The following RAB11FIP4 variants were observed in gnomAD, a reference collection of about 807,000 sequenced individuals.
RAB11FIP4 encodes rab11 family-interacting protein 4.
RAB11FIP4 carries 23 observed loss-of-function variants against 74.3 expected under a neutral mutation model. The ratio of observed to expected loss-of-function variants is 0.31; its 90% CI spans 0.22 to 0.44. The LOEUF is 0.44. Ranked by LOEUF, RAB11FIP4 falls within the 20% of genes least tolerant of loss-of-function variation. The pLI, the probability that RAB11FIP4 is intolerant of heterozygous loss-of-function variation, is 1.00. For missense variants in RAB11FIP4, 630 were observed against 863.9 expected, an observed-to-expected ratio of 0.73 and a Z score of 3.39; for synonymous variants, 360 against 359.9, an observed-to-expected ratio of 1.00 and a Z score of 0.00.
At chr17:31,449,500 A>G (rs1047383903) in intron 3 of RAB11FIP4, among the ~76,000 whole-genome samples, 2 of 151,952 alleles carry the variant, frequency 1.3e-5, no homozygotes, top group Non-Finnish European at 1.5e-5. Flanking sequence ...ACTCCCAATG[A>G]TGTCTTGGCC....
intron 3 of RAB11FIP4, among the ~76,000 whole-genome samples, chr17:31,452,422 G>A (rs1234523497): frequency 6.6e-6 from 1 of 152,138 alleles, no homozygotes; most frequent in East Asian, 1.9e-4. Context: ...TTAGAAAGGG[G>A]GTGCCTGGAT....
Position 31,531,687 on chromosome 17 carries a change from C to G in RAB11FIP4, c.1869C>G (p.Leu623=). 1 of 1,614,070 alleles carries G rather than the reference C, an allele frequency of 6.2e-7. No individual in the cohort carries two copies. Among genetic ancestry groups the G allele is most frequent in the East Asian group, 2.2e-5 (1 of 44,882 alleles). ...RLRQYMDKII[L]AILDHNPSIL... is the part of the protein sequence containing the mutation. Reference sequence around the variant, plus strand: ...GGCAGTACATGGACAAGATTATCCTCGCCATCCTGGACCACAATCCCTCCA... The same window carrying G: ...GGCAGTACATGGACAAGATTATCCTGGCCATCCTGGACCACAATCCCTCCA... The change falls in exon 15 of 15, where the codon CTC becomes CTG. Residue 623 remains leucine, a synonymous_variant. Coordinates refer to ENST00000621161, the MANE Select transcript of RAB11FIP4 (RefSeq NM_032932.6).
chr17:31,460,467 T>C (rs569984080), intron 3 of RAB11FIP4, among the ~76,000 whole-genome samples: 6 of 152,324 alleles, frequency 3.9e-5, no homozygotes, highest in African/African-American at 1.4e-4. Flanking sequence ...AATGTACTCC[T>C]CAGTCTTGTT....
rs61731602 is a variant in RAB11FIP4, at chr17:31,530,442, G to A, written c.1770G>A (p.Ala590=). ...AGACTAAAGCCCAGTCTCTGGCTGC[G>A]GAGATAGACACCGCCTCGCGCGATG... ...AAQTKAQSLA[A]EIDTASRDEL... is the part of the protein sequence containing the mutation. The change falls in exon 14 of 15, where the codon GCG becomes GCA. Residue 590 remains alanine, a synonymous_variant. Transcript: ENST00000621161. The A allele has an allele frequency of 0.15, 234,927 of 1,613,798 alleles. 18,564 individuals carry two copies. The highest frequency in any genetic ancestry group is 0.18 in the Middle Eastern group (1,096 of 6,050).
chr17:31,434,030 G>A lies in RAB11FIP4; in HGVS notation c.248-4G>A, dbSNP rs185724328. The A allele has an allele frequency of 6.1e-4, 967 of 1,578,408 alleles. 6 individuals are homozygous for A. The African/African-American group carries it at 0.01, about 17-fold the overall frequency. On this transcript the variant is annotated splice_polypyrimidine_tract_variant and splice_region_variant and intron_variant, in intron 2 of 14. Coordinates refer to ENST00000621161, the MANE Select transcript of RAB11FIP4 (RefSeq NM_032932.6). ...CTGTCCCGTGTGTCTGCCTGTCTGC[G>A]CAGGGTGCGAGGAGCTGCTGAAGGA...
chr17:31,482,407 T>C (rs1332153894), intron 3 of RAB11FIP4, among the ~76,000 whole-genome samples: 2 of 151,892 alleles, frequency 1.3e-5, no homozygotes, highest in Admixed American at 6.6e-5. Flanking sequence ...CTGGCCAACA[T>C]AGCAAAACCC....
At chr17:31,468,744 C>T (rs913493362) in intron 3 of RAB11FIP4, among the ~76,000 whole-genome samples, 2 of 151,974 alleles carry the variant, frequency 1.3e-5, no homozygotes, top group Admixed American at 6.6e-5. Context: ...GCAGGAGAAT[C>T]GCTTGAACCC....
chr17:31,449,165 T>G (rs532015024), intron 3 of RAB11FIP4, among the ~76,000 whole-genome samples: 2 of 152,170 alleles, frequency 1.3e-5, no homozygotes, highest in East Asian at 3.9e-4. Context: ...AGCTTGCTGC[T>G]GGGATGGTGA....
chr17:31,430,045 AGCGGGG>A (rs1208526526), intron 1 of RAB11FIP4, among the ~76,000 whole-genome samples: 15 of 152,196 alleles, frequency 9.9e-5, no homozygotes, highest in African/African-American at 3.6e-4. Flanking sequence ...ACAGGATAGC[AGCGGGG>A]TGGGCCCTGA....
chr17:31,445,646 C>T (rs1337531259), intron 3 of RAB11FIP4, among the ~76,000 whole-genome samples: 2 of 137,778 alleles, frequency 1.5e-5, no homozygotes, highest in Non-Finnish European at 3.0e-5. Context: ...AGTGCAATGG[C>T]GTGATCTCCG....
chr17:31,411,352 C>T (rs987575061), intron 1 of RAB11FIP4, among the ~76,000 whole-genome samples: 2 of 152,080 alleles, frequency 1.3e-5, no homozygotes, highest in Non-Finnish European at 1.5e-5. Context: ...CGACAGAGTG[C>T]GATTCCATCT....
At chr17:31,411,225 G>T (rs1035800995) in intron 1 of RAB11FIP4, among the ~76,000 whole-genome samples, 1 of 152,128 alleles carries the variant, frequency 6.6e-6, no homozygotes, top group Admixed American at 6.6e-5. Flanking sequence ...TTAGCCAGGC[G>T]TGATGGCGGG....
intron 1 of RAB11FIP4, among the ~76,000 whole-genome samples, chr17:31,415,080 C>T (rs2071134394): frequency 6.6e-6 from 1 of 152,202 alleles, no homozygotes; most frequent in African/African-American, 2.4e-5. Context: ...ACAGCCTCTC[C>T]CAGAGCCCCC....
intron 2 of RAB11FIP4, among the ~76,000 whole-genome samples, chr17:31,432,110 G>T (rs570107077): frequency 6.6e-6 from 1 of 152,332 alleles, no homozygotes; most frequent in South Asian, 2.1e-4. Flanking sequence ...TCTCACCCAT[G>T]GAAGTCACTT....
intron 3 of RAB11FIP4, among the ~76,000 whole-genome samples, chr17:31,435,014 C>T (rs573838425): frequency 2.5e-5 from 3 of 119,378 alleles, no homozygotes; most frequent in African/African-American, 5.9e-5. Context: ...GATGAGACCC[C>T]GTCTCTACAT....
chr17:31,517,333 C>A (rs1012858084), intron 3 of RAB11FIP4, among the ~76,000 whole-genome samples: 1 of 151,954 alleles, frequency 6.6e-6, no homozygotes. Context: ...CCTCCAGACC[C>A]TATTCTGCCT....
intron 3 of RAB11FIP4, among the ~76,000 whole-genome samples, chr17:31,509,787 T>G (rs917452341): frequency 1.3e-5 from 2 of 152,146 alleles, no homozygotes; most frequent in Non-Finnish European, 2.9e-5. Context: ...CTCCCATGCT[T>G]ACCCCTGGCT....
At chr17:31,495,664 T>A (rs767071275) in intron 3 of RAB11FIP4, among the ~76,000 whole-genome samples, 10 of 152,212 alleles carry the variant, frequency 6.6e-5, no homozygotes, top group Non-Finnish European at 1.2e-4. Context: ...GCTTGACTCG[T>A]CTGACTGATG....
intron 3 of RAB11FIP4, among the ~76,000 whole-genome samples, chr17:31,451,487 A>G (rs746299044): frequency 8.6e-5 from 13 of 150,740 alleles, no homozygotes; most frequent in Non-Finnish European, 1.5e-4. Flanking sequence ...AAAAATTGTA[A>G]GTCCCATCCT....
Sources: gnomAD v4.1 joint callset for allele counts (sites outside exome capture counted in the v4.1 genomes callset) on GRCh38, gnomAD v4.1.1 for gene constraint, MANE v1.5 for transcripts, NCBI Gene and HGNC (gene_info 2026-07-23, HGNC 2026-07-21) for gene names.